The following GNS variants were observed in gnomAD, a reference collection of about 807,000 sequenced individuals.
GNS encodes the protein glucosamine (N-acetyl)-6-sulfatase, also known as N-acetylglucosamine-6-sulfatase.
In GNS, 40 loss-of-function variants were observed where a neutral mutation model predicts 69.7. The ratio of observed to expected loss-of-function variants is 0.57; its 90% CI spans 0.45 to 0.75. The LOEUF is 0.75. Ranked by LOEUF, GNS falls within the 30% of genes least tolerant of loss-of-function variation. The pLI, the probability that GNS is intolerant of heterozygous loss-of-function variation, is 0.00. For synonymous variants in GNS, 243 were observed against 251.6 expected, an observed-to-expected ratio of 0.97 and a Z score of 0.32; for missense variants, 565 against 685.5, an observed-to-expected ratio of 0.82 and a Z score of 1.96.
chr12:64,753,479 C>T (rs1387684837), intron 1 of GNS, among the ~76,000 whole-genome samples: 3 of 152,148 alleles, frequency 2.0e-5, no homozygotes, highest in African/African-American at 7.2e-5. Flanking sequence ...AAAAGGAACA[C>T]TAATATTCTT....
At position 64,720,433 on chromosome 12, in the gene GNS, C is replaced by A. The variant is rs145544819; in HGVS notation, c.1420-251G>T. ...GCCACATGCTAAAAAGGGGCCCCTG[C>A]ACACCCTGTGCCTTCAGGCAGAGGC... On this transcript the variant is annotated intron_variant, in intron 12 of 13. Transcript: ENST00000258145. Among the ~76,000 whole-genome samples, 117 of 152,298 alleles carry A rather than the reference C, an allele frequency of 7.7e-4. 2 individuals carry two copies. The highest frequency in any genetic ancestry group is 6.8e-3 in the Middle Eastern group (2 of 294).
intron 10 of GNS, among the ~76,000 whole-genome samples, chr12:64,725,944 T>C (rs1234928006): frequency 5.5e-5 from 7 of 126,586 alleles, no homozygotes; most frequent in Admixed American, 2.1e-4. Context: ...TGCAGTGAGC[T>C]GAGATCATGC....
chr12:64,758,997 A>C, intron 1 of GNS, 88 bp downstream of exon 1: 1 of 1,100,216 alleles, frequency 9.1e-7, no homozygotes, highest in Non-Finnish European at 1.4e-6. Context: ...CAGTTCGGGG[A>C]GGAGGGTGGT....
rs775176361 is a variant in GNS, at chr12:64,723,122, A to G, written c.1201-9T>C. ...AAGTTACTGGCACCTCTCTAGAAAGAAGAGCAAGTGGAATTTCTGTGATGC... is the reference window on the plus strand; with the variant it reads ...AAGTTACTGGCACCTCTCTAGAAAGGAGAGCAAGTGGAATTTCTGTGATGC... On this transcript the variant is annotated splice_polypyrimidine_tract_variant and intron_variant, in intron 10 of 13. Transcript: ENST00000258145. The G allele has an allele frequency of 3.2e-5, 48 of 1,519,884 alleles. No homozygotes were observed. The South Asian group carries it at 5.4e-4, about 17-fold the overall frequency. The allele number at this position is 1,519,884 out of a possible 1,614,324, so 94.1% of individuals were successfully genotyped here.
intron 1 of GNS, among the ~76,000 whole-genome samples, chr12:64,757,671 GAAGA>G (rs1870298466): frequency 6.6e-6 from 1 of 152,248 alleles, no homozygotes; most frequent in Non-Finnish European, 1.5e-5. Flanking sequence ...TACAACTCGG[GAAGA>G]AAGAGAGATA....
chr12:64,754,354 T>C (rs1870177671), intron 1 of GNS, among the ~76,000 whole-genome samples: 1 of 152,134 alleles, frequency 6.6e-6, no homozygotes, highest in South Asian at 2.1e-4. Context: ...AAAAGGCCTC[T>C]CAGGAGGTAA....
chr12:64,727,429 C>T (rs1340307211), intron 10 of GNS, among the ~76,000 whole-genome samples: 2 of 151,848 alleles, frequency 1.3e-5, no homozygotes, highest in Non-Finnish European at 2.9e-5. Flanking sequence ...AGCACAAGAC[C>T]CCATCTCAAA....
Position 64,744,845 on chromosome 12 carries a change from AC to A in GNS, c.587del (p.Gly196ValfsTer9). 1 of 1,567,216 alleles carries A rather than the reference AC, an allele frequency of 6.4e-7. No homozygotes were observed. The highest frequency in any genetic ancestry group is 8.8e-7 in the Non-Finnish European group (1 of 1,137,186). On this transcript the variant is annotated frameshift_variant, in exon 5 of 14. Coordinates refer to ENST00000258145, the MANE Select transcript of GNS (RefSeq NM_002076.4). LOFTEE classifies it high-confidence loss of function. ...LSINGKARKH[G>X]ENYSVDYLTD... ...TCAGGTAGTCCACACTATAGTTTTC[AC>A]CATGCTTCCGTGCCTTCCCATTGAT...
rs545001153 is a variant in GNS at position 64,738,827 on chromosome 12, A to C, written c.994+554T>G. On this transcript the variant is annotated intron_variant, in intron 8 of 13. Transcript: ENST00000258145. Reference sequence around the variant, plus strand: ...GATTCTGTCCCCCCACCAGCCCCCCAAAAAAATCACAATAATGCATTAAAT... The same window carrying C: ...GATTCTGTCCCCCCACCAGCCCCCCCAAAAAATCACAATAATGCATTAAAT... Among the ~76,000 whole-genome samples the C allele has an allele frequency of 2.9e-3, 361 of 124,322 alleles. 1 individual carries two copies. The highest frequency in any genetic ancestry group is 9.9e-3 in the African/African-American group (336 of 34,042). The allele number at this position is 124,322 out of a possible 152,430, so 81.6% of individuals were successfully genotyped here.
rs1870392661 is a variant in GNS at position 64,759,239 on chromosome 12, C to T, written c.38G>A (p.Arg13Gln). ...GGAGGGCAGGTGGCGGGGGCTGCCC[C>T]GCCGGAGCCGACCTGGGGCTAGAGG... ...LLPLAPGRLRRGSPRHLPSCS... is the reference protein window; with the variant it reads ...LLPLAPGRLRQGSPRHLPSCS... Residue 13 changes from arginine (R) to glutamine (Q), a missense_variant, in exon 1 of 14, where the codon CGG becomes CAG. Around this residue, in one of 2 missense-constraint regions of GNS, gnomAD observed 181 missense variants for 174.4 expected, o/e 1.04. Transcript: ENST00000258145. 1 of 1,542,638 alleles carries T rather than the reference C, an allele frequency of 6.5e-7. No homozygotes were observed. Among genetic ancestry groups the T allele is most frequent in the African/African-American group, 1.4e-5 (1 of 72,812 alleles).
chr12:64,727,108 A>T (rs1238605615), intron 10 of GNS, among the ~76,000 whole-genome samples: 2 of 152,016 alleles, frequency 1.3e-5, no homozygotes, highest in East Asian at 3.9e-4. Context: ...AAAGACAGAT[A>T]ATAGCAAGTA....
chr12:64,752,864 T>A, intron 1 of GNS, 107 bp from the exon 2 acceptor site: 1 of 722,256 alleles, frequency 1.4e-6, no homozygotes, highest in Non-Finnish European at 2.5e-6. Context: ...TATTCCCAAA[T>A]GGTCAGCTCT....
At chr12:64,741,512 C>T (rs1257490231) in intron 6 of GNS, among the ~76,000 whole-genome samples, 3 of 152,036 alleles carry the variant, frequency 2.0e-5, no homozygotes, top group Admixed American at 1.3e-4. Context: ...TCTTGAACTC[C>T]TGGCCTCAGG....
chr12:64,749,939 G>A (rs528975724), intron 2 of GNS, among the ~76,000 whole-genome samples: 10 of 148,248 alleles, frequency 6.7e-5, no homozygotes, highest in South Asian at 2.1e-4. Flanking sequence ...ACAGTGGTGC[G>A]ATCTCAGCTC....
At chr12:64,757,894 G>A (rs1870309582) in intron 1 of GNS, among the ~76,000 whole-genome samples, 1 of 152,220 alleles carries the variant, frequency 6.6e-6, no homozygotes, top group Non-Finnish European at 1.5e-5. Flanking sequence ...CTTGCCTGGA[G>A]TATTTCATAG....
rs768985180 is a variant in GNS at position 64,721,601 on chromosome 12, G to C, written c.1413C>G (p.Asp471Glu). Residue 471 changes from aspartate (D) to glutamate (E), a missense_variant, in exon 12 of 14, where the codon GAC (aspartate) becomes GAG (glutamate). Transcript: ENST00000258145. ...LWNLQYCEFDDQEVFVEVYNL... is the reference protein window; with the variant it reads ...LWNLQYCEFDEQEVFVEVYNL... ...AGGCAGAAGTCCCTCTTACCTCCTG[G>C]TCATCAAACTCGCAATACTGCAAAT... The C allele has an allele frequency of 6.8e-7, 1 of 1,473,216 alleles. No homozygotes were observed. The highest frequency in any genetic ancestry group is 9.5e-7 in the Non-Finnish European group (1 of 1,051,308). The allele number at this position is 1,473,216 out of a possible 1,614,324, so 91.3% of individuals were successfully genotyped here. A position where few individuals can be genotyped will look rare whatever the true frequency, so the allele number is the denominator to read the frequency against.
intron 1 of GNS, among the ~76,000 whole-genome samples, chr12:64,757,800 T>C (rs562214007): frequency 6.6e-6 from 1 of 152,356 alleles, no homozygotes; most frequent in South Asian, 2.1e-4. Context: ...TAAACTGATT[T>C]CATAACTCAC....
At chr12:64,756,609 C>T in intron 1 of GNS, 2 of 685,184 alleles carry the variant, frequency 2.9e-6, no homozygotes, top group South Asian at 1.6e-5. Flanking sequence ...GATAAGGATA[C>T]TATGTACAGC....
At chr12:64,739,550 T>C (rs1869662357) in intron 7 of GNS, 51 bp from the exon 8 acceptor site, 1 of 768,350 alleles carries the variant, frequency 1.3e-6, no homozygotes, top group East Asian at 2.5e-5. Flanking sequence ...ATGGCTGAGG[T>C]ATCACTATCT....
Sources: allele counts gnomAD v4.1 joint callset (sites outside exome capture counted in the v4.1 genomes callset), GRCh38; gene constraint gnomAD v4.1.1; regional missense constraint gnomAD v4.1.1; transcripts MANE v1.5; gene names NCBI Gene and HGNC (gene_info 2026-07-23, HGNC 2026-07-21).